DCLRE1C: variants seen among roughly 807,000 people sequenced by gnomAD.
The protein encoded by DCLRE1C is DNA cross-link repair 1C, also known as protein artemis.
In DCLRE1C, 47 loss-of-function variants were observed where a neutral mutation model predicts 61.4. The ratio of observed to expected loss-of-function variants is 0.77; its 90% confidence interval spans 0.61 to 0.98. The LOEUF (loss-of-function observed/expected upper bound fraction) is 0.98, where lower values mean the gene tolerates loss of function less well. DCLRE1C is among the 50% of genes least tolerant of loss of function. The pLI is 0.00. For synonymous variants in DCLRE1C, 337 were observed against 287.6 expected (o/e 1.17, Z -1.74); for missense variants, 858 against 816.0 (o/e 1.05, Z -0.63).
At chr10:14,945,397 C>A (rs1448560182) in intron 2 of DCLRE1C, 7 of 1,290,366 alleles carry the variant, frequency 5.4e-6, no homozygotes, top group Non-Finnish European at 6.9e-6. Flanking sequence ...TCAGAAATTA[C>A]GCTGGCACAA....
exon 14 of DCLRE1C, chr10:14,898,080 T>A (rs1011225244): frequency 8.1e-5 from 12 of 148,162 alleles, no homozygotes; most frequent in African/African-American, 2.8e-4. Flanking sequence ...TGTATACAAA[T>A]CATATATATG....
chr10:14,941,439 T>C (rs1840838224), intron 3 of DCLRE1C, among the ~76,000 whole-genome samples: 1 of 152,162 alleles, frequency 6.6e-6, no homozygotes, highest in South Asian at 2.1e-4. Flanking sequence ...CACACTCTAC[T>C]ATACCAGGCT....
Position 14,908,398 on chromosome 10 carries a change from C to G in DCLRE1C, c.*10G>C. 6.2e-7 allele frequency: 1 copy of G among 1,608,464 alleles called. No individual in the cohort carries two copies. Among genetic ancestry groups the G allele is most frequent in the Non-Finnish European group, 8.5e-7 (1 of 1,175,432 alleles). ...TTAGTGGTTGCTCTAGGTTGAAACG[C>G]TTTGAATTCTTAGGTATCTAAGAGT... is the stretch of plus-strand genomic sequence containing the variant. On this transcript the variant is annotated 3_prime_UTR_variant, in exon 14 of 14. Transcript: ENST00000378278.
chr10:14,940,124 A>G (rs1840622547), intron 3 of DCLRE1C, among the ~76,000 whole-genome samples: 1 of 152,062 alleles, frequency 6.6e-6, no homozygotes, highest in Admixed American at 6.6e-5. Flanking sequence ...TTCTGTTTCC[A>G]TGAATTCATT....
intron 9 of DCLRE1C, among the ~76,000 whole-genome samples, chr10:14,931,473 G>A (rs1235146765): frequency 2.6e-5 from 4 of 152,186 alleles, no homozygotes; most frequent in Middle Eastern, 6.8e-3. Flanking sequence ...CAAGAGAATC[G>A]CTTGAATGTG....
Position 14,937,893 on chromosome 10 carries a change from CAAAAAAA to C in DCLRE1C, c.307-1307_307-1301del, listed in dbSNP as rs749452841. ...TGGGCGACAGAGTAAGGCTCAGTCT[CAAAAAAA>C]AAAAAAAAAAAAAAAAAGATTAAAG... On this transcript the variant is annotated intron_variant, in intron 4 of 13. Transcript: ENST00000378278. 2.5e-4 allele frequency among the ~76,000 whole-genome samples: 10 copies of C among 40,664 alleles called. 1 individual carries two copies. The highest frequency in any genetic ancestry group is 1.8e-3 in the South Asian group (2 of 1,132). 26.7% of individuals were successfully genotyped at this position (40,664 alleles called of 152,430 possible). A position where few individuals can be genotyped will look rare whatever the true frequency, so the allele number is the denominator to read the frequency against.
chr10:14,929,329 A>G (rs71485534), intron 9 of DCLRE1C, among the ~76,000 whole-genome samples: 26,238 of 151,962 alleles, frequency 0.17, 2,312 homozygotes, highest in Middle Eastern at 0.21. Context: ...GCTTGAACCC[A>G]GGAGGTGGAG....
intron 11 of DCLRE1C, among the ~76,000 whole-genome samples, chr10:14,924,169 C>T (rs777497214): frequency 7.9e-5 from 12 of 152,236 alleles, no homozygotes; most frequent in Non-Finnish European, 1.0e-4. Flanking sequence ...CTCACGCTAA[C>T]GGGAGTGCTT....
At chr10:14,928,266 A>T (rs1291877522) in intron 9 of DCLRE1C, 114 bp from the exon 10 acceptor site, 8 of 875,362 alleles carry the variant, frequency 9.1e-6, no homozygotes, top group Admixed American at 5.6e-5. Flanking sequence ...AATAAAAAAT[A>T]AAAAAAAAGC....
intron 3 of DCLRE1C, among the ~76,000 whole-genome samples, chr10:14,941,487 G>A (rs550309506): frequency 1.3e-5 from 2 of 152,274 alleles, no homozygotes; most frequent in East Asian, 3.9e-4. Flanking sequence ...GGGTTTTGCA[G>A]TATTGCCCAG....
chr10:14,907,614 T>C lies in DCLRE1C; in HGVS notation c.*794A>G, dbSNP rs886385624. Among the ~76,000 whole-genome samples, 5 of 152,156 alleles carry C rather than the reference T, an allele frequency of 3.3e-5. No individual in the cohort carries two copies. Among genetic ancestry groups the C allele is most frequent in the African/African-American group, 4.8e-5 (2 of 41,430 alleles). ...TGCATATACGTTTAGGATTATTTTG[T>C]CTTCTTGGTGAACTAGACCTTTTAT... On this transcript the variant is annotated 3_prime_UTR_variant, in exon 14 of 14. Transcript: ENST00000378278.
intron 8 of DCLRE1C, among the ~76,000 whole-genome samples, chr10:14,933,498 A>G (rs764644893): frequency 3.3e-5 from 5 of 152,076 alleles, no homozygotes; most frequent in Non-Finnish European, 5.9e-5. Flanking sequence ...TTAGCCAGGT[A>G]TGGTGGCTCA....
intron 12 of DCLRE1C, among the ~76,000 whole-genome samples, chr10:14,921,397 A>T (rs1483440303): frequency 6.6e-6 from 1 of 152,120 alleles, no homozygotes; most frequent in Non-Finnish European, 1.5e-5. Flanking sequence ...GTTTAGTTCT[A>T]CAGGCATATT....
intron 13 of DCLRE1C, among the ~76,000 whole-genome samples, chr10:14,910,600 T>C (rs1048277744): frequency 6.6e-6 from 1 of 152,156 alleles, no homozygotes; most frequent in Non-Finnish European, 1.5e-5. Context: ...AGCCCAAAAT[T>C]ACCTTTTTAT....
At chr10:14,923,663 C>T (rs1184252941) in intron 11 of DCLRE1C, 2 of 155,432 alleles carry the variant, frequency 1.3e-5, no homozygotes, top group East Asian at 3.8e-4. Context: ...AAGAATTGCA[C>T]TTATTTACTC....
Position 14,908,900 on chromosome 10 carries a change from T to G in DCLRE1C, c.1587A>C (p.Ser529=), listed in dbSNP as rs529177486. 4.3e-5 allele frequency: 69 copies of G among 1,614,208 alleles called. 1 individual carries two copies. The South Asian group carries it at 4.6e-4, about 11-fold the overall frequency. ...AAGAATTCTGGGAGGAGATGTGAGT[T>G]GATTCTCCATCAGAGTCACTGAAAA... is the stretch of plus-strand genomic sequence containing the variant. ...PKLFSDSDGE[S]THISSQNSSQ... Residue 529 remains serine, a synonymous_variant, in exon 14 of 14, where the codon TCA becomes TCC. Coordinates refer to ENST00000378278, the MANE Select transcript of DCLRE1C (RefSeq NM_001033855.3).
chr10:14,920,268 A>T, intron 12 of DCLRE1C: 3 of 520,974 alleles, frequency 5.8e-6, no homozygotes, highest in Non-Finnish European at 7.9e-6. Flanking sequence ...CTTATATCTC[A>T]CAGGAATCTC....
chr10:14,948,932 C>A, intron 2 of DCLRE1C, 104 bp downstream of exon 2: 2 of 833,306 alleles, frequency 2.4e-6, no homozygotes, highest in South Asian at 1.4e-5. Flanking sequence ...GTGATGCGTT[C>A]ATTTTGTAAA....
intron 13 of DCLRE1C, among the ~76,000 whole-genome samples, chr10:14,914,957 A>G (rs1035941358): frequency 2.0e-5 from 3 of 151,784 alleles, no homozygotes; most frequent in African/African-American, 7.3e-5. Flanking sequence ...AAAAAAAATC[A>G]TACAAAGTAT....
Sources: gnomAD v4.1 joint callset for allele counts (sites outside exome capture counted in the v4.1 genomes callset) on GRCh38, gnomAD v4.1.1 for gene constraint, MANE v1.5 for transcripts, NCBI Gene and HGNC (gene_info 2026-07-23, HGNC 2026-07-21) for gene names.